Variants in PRKCE observed in about 807,000 individuals in gnomAD.
The protein encoded by PRKCE is protein kinase C epsilon type.
Under a neutral mutation model 85.4 loss-of-function variants are expected in PRKCE, and 16 were observed. That is an observed-to-expected ratio of 0.19 (90% CI 0.13 to 0.28). PRKCE has a LOEUF of 0.28. PRKCE is among the 10% of genes least tolerant of loss of function. The pLI, the probability that PRKCE is intolerant of heterozygous loss-of-function variation, is 1.00. For missense variants in PRKCE, 573 were observed against 975.2 expected (o/e 0.59, Z 5.49); for synonymous variants, 388 against 371.5 (o/e 1.04, Z -0.51).
At chr2:45,876,892 T>C (rs2105786383) in intron 2 of PRKCE, among the ~76,000 whole-genome samples, 1 of 152,366 alleles carries the variant, frequency 6.6e-6, no homozygotes, top group East Asian at 1.9e-4. Context: ...TTTTCTTAAC[T>C]TTCTTGACTT....
At chr2:45,812,376 T>C (rs780093501) in intron 1 of PRKCE, among the ~76,000 whole-genome samples, 1 of 152,214 alleles carries the variant, frequency 6.6e-6, no homozygotes, top group Non-Finnish European at 1.5e-5. Context: ...GAGGGAACTG[T>C]TGAACTGTTA....
intron 2 of PRKCE, among the ~76,000 whole-genome samples, chr2:45,914,002 C>G (rs1242320776): frequency 6.6e-6 from 1 of 152,208 alleles, no homozygotes; most frequent in Non-Finnish European, 1.5e-5. Context: ...GGCCTACAAA[C>G]TTAATGGAGC....
intron 1 of PRKCE, among the ~76,000 whole-genome samples, chr2:45,810,643 G>A (rs1688591233): frequency 1.3e-5 from 2 of 152,122 alleles, no homozygotes; most frequent in South Asian, 4.1e-4. Flanking sequence ...GAGTACAGTG[G>A]CAGAATCTCG....
intron 10 of PRKCE, among the ~76,000 whole-genome samples, chr2:46,023,081 C>T (rs1706809141): frequency 2.8e-5 from 1 of 35,154 alleles, no homozygotes; most frequent in African/African-American, 2.0e-4. Context: ...CAGAGCGAGA[C>T]TCCGTCTCAA....
In PRKCE at chr2:45,656,889, T is replaced by C. The variant is rs564817856; in HGVS notation, c.348+4441T>C. On this transcript the variant is annotated intron_variant, in intron 1 of 14. Coordinates refer to ENST00000306156, the MANE Select transcript of PRKCE (RefSeq NM_005400.3). ...TGTCCTGAAATGTGACTGTATAACTTTATAATTTTTAAAGAAAGATTTAGA... is the reference window on the plus strand; with the variant it reads ...TGTCCTGAAATGTGACTGTATAACTCTATAATTTTTAAAGAAAGATTTAGA... Among the ~76,000 whole-genome samples the C allele has an allele frequency of 3.3e-5, 5 of 152,338 alleles. 1 individual carries two copies. In the South Asian group the frequency reaches 1.0e-3, roughly 32 times the overall value.
intron 2 of PRKCE, among the ~76,000 whole-genome samples, chr2:45,960,984 G>A (rs1173263770): frequency 2.0e-5 from 3 of 152,218 alleles, no homozygotes; most frequent in African/African-American, 4.8e-5. Flanking sequence ...GCACTAAGGA[G>A]TAAAGCAAAC....
At chr2:46,044,133 G>A (rs1259623264) in intron 10 of PRKCE, among the ~76,000 whole-genome samples, 1 of 152,122 alleles carries the variant, frequency 6.6e-6, no homozygotes, top group Non-Finnish European at 1.5e-5. Flanking sequence ...TACGCACTGG[G>A]GACTGTGTTC....
At chr2:45,948,175 G>A (rs183591946) in intron 2 of PRKCE, among the ~76,000 whole-genome samples, 1 of 152,240 alleles carries the variant, frequency 6.6e-6, no homozygotes, top group Non-Finnish European at 1.5e-5. Flanking sequence ...AATGCACTGG[G>A]GTTAAGTCTC....
At chr2:45,963,540 C>T (rs1701528300) in intron 2 of PRKCE, among the ~76,000 whole-genome samples, 1 of 152,184 alleles carries the variant, frequency 6.6e-6, no homozygotes, top group Admixed American at 6.5e-5. Flanking sequence ...AACTCCTGAC[C>T]TCAGGTGATC....
intron 14 of PRKCE, among the ~76,000 whole-genome samples, chr2:46,168,629 G>C (rs1335538154): frequency 6.6e-6 from 1 of 152,192 alleles, no homozygotes; most frequent in Non-Finnish European, 1.5e-5. Flanking sequence ...TTGCCACCTT[G>C]AAAAGCTTCG....
chr2:46,107,475 A>G (rs1671838318), intron 11 of PRKCE, among the ~76,000 whole-genome samples: 1 of 152,210 alleles, frequency 6.6e-6, no homozygotes, highest in African/African-American at 2.4e-5. Context: ...ATTGAAGGAC[A>G]TCTTACTTCC....
chr2:45,714,806 C>G (rs937505269), intron 1 of PRKCE, among the ~76,000 whole-genome samples: 1 of 152,216 alleles, frequency 6.6e-6, no homozygotes, highest in African/African-American at 2.4e-5. Flanking sequence ...CCTTAGCATT[C>G]TTGGAGTCTA....
intron 9 of PRKCE, among the ~76,000 whole-genome samples, chr2:46,009,956 A>G (rs941089674): frequency 5.9e-5 from 9 of 152,262 alleles, no homozygotes; most frequent in Non-Finnish European, 1.2e-4. Flanking sequence ...ATGAATAACC[A>G]TTCAACAGAT....
At chr2:45,920,303 A>G (rs529977556) in intron 2 of PRKCE, among the ~76,000 whole-genome samples, 1 of 152,380 alleles carries the variant, frequency 6.6e-6, no homozygotes, top group Non-Finnish European at 1.5e-5. Flanking sequence ...CTGCCCACTC[A>G]GTAACCCAAT....
chr2:45,941,826 G>C (rs1699898747), intron 2 of PRKCE, among the ~76,000 whole-genome samples: 1 of 152,178 alleles, frequency 6.6e-6, no homozygotes, highest in Non-Finnish European at 1.5e-5. Context: ...TCCCTGGCTA[G>C]TTCTGTCTAG....
intron 10 of PRKCE, among the ~76,000 whole-genome samples, chr2:46,075,830 C>T (rs956876235): frequency 2.0e-5 from 3 of 152,164 alleles, no homozygotes; most frequent in Non-Finnish European, 2.9e-5. Context: ...CAGACTGGAG[C>T]GTAAAACTTC....
intron 1 of PRKCE, among the ~76,000 whole-genome samples, chr2:45,797,312 G>C (rs1271582431): frequency 6.6e-6 from 1 of 152,190 alleles, no homozygotes; most frequent in African/African-American, 2.4e-5. Flanking sequence ...TGAAGGGGAG[G>C]GAGGGAGCCA....
chr2:45,717,962 A>G (rs1275466483), intron 1 of PRKCE, among the ~76,000 whole-genome samples: 1 of 152,222 alleles, frequency 6.6e-6, no homozygotes, highest in Admixed American at 6.5e-5. Flanking sequence ...ATGAGCAAAG[A>G]TGGGCCCCCT....
At chr2:45,951,417 C>G (rs1326181094) in intron 2 of PRKCE, among the ~76,000 whole-genome samples, 1 of 152,154 alleles carries the variant, frequency 6.6e-6, no homozygotes, top group African/African-American at 2.4e-5. Flanking sequence ...TTCATAATTC[C>G]TCCCTAACTC....
Sources: gnomAD v4.1 joint callset for allele counts (sites outside exome capture counted in the v4.1 genomes callset) on GRCh38, gnomAD v4.1.1 for gene constraint, MANE v1.5 for transcripts, NCBI Gene and HGNC (gene_info 2026-07-23, HGNC 2026-07-21) for gene names.